Variants in CHCHD3 observed in about 807,000 individuals in gnomAD.
CHCHD3 encodes MICOS complex subunit MIC19.
In CHCHD3, 20 loss-of-function variants were observed where a neutral mutation model predicts 38.2. The ratio of observed to expected loss-of-function variants is 0.52; its 90% CI spans 0.37 to 0.76. The LOEUF (loss-of-function observed/expected upper bound fraction) is 0.76, where lower values mean the gene tolerates loss of function less well. CHCHD3 is among the 30% of genes least tolerant of loss of function. CHCHD3 has a pLI of 0.00. For synonymous variants in CHCHD3, 82 were observed against 100.0 expected (o/e 0.82, Z 1.07); for missense variants, 245 against 279.2 (o/e 0.88, Z 0.87).
At position 133,058,083 on chromosome 7, in the gene CHCHD3, A is replaced by G. The variant is rs529375892; in HGVS notation, c.169+12059T>C. Among the ~76,000 whole-genome samples the G allele has an allele frequency of 3.9e-5, 6 of 152,308 alleles. No individual in the cohort carries two copies. The South Asian group carries it at 1.0e-3, about 26-fold the overall frequency. On this transcript the variant is annotated intron_variant, in intron 2 of 7. Transcript: ENST00000262570. Reference sequence around the variant, plus strand: ...AAATTAAAGAAACATATTGTGCTCAATGAGTATCTTTGCTGTCCCACAAAA... The same window carrying G: ...AAATTAAAGAAACATATTGTGCTCAGTGAGTATCTTTGCTGTCCCACAAAA...
intron 4 of CHCHD3, among the ~76,000 whole-genome samples, chr7:132,934,124 C>G (rs2117260027): frequency 6.6e-6 from 1 of 152,322 alleles, no homozygotes; most frequent in South Asian, 2.1e-4. Context: ...AACCACTACT[C>G]AAACTTCTCA....
At chr7:133,036,386 C>A (rs1813674863) in intron 2 of CHCHD3, among the ~76,000 whole-genome samples, 1 of 152,006 alleles carries the variant, frequency 6.6e-6, no homozygotes, top group South Asian at 2.1e-4. Flanking sequence ...AAAATGTTCA[C>A]ATTTAAATTT....
intron 4 of CHCHD3, among the ~76,000 whole-genome samples, chr7:132,963,322 A>ATTTTTTTTTTTTTTTTTT (rs1005146883): frequency 1.1e-5 from 1 of 87,568 alleles, no homozygotes. Flanking sequence ...TAAAATTGTA[A>ATTTTTTTTTTTTTTTTTT]TTTTTTTTTT....
At chr7:132,860,676 G>A (rs1034406141) in intron 5 of CHCHD3, among the ~76,000 whole-genome samples, 3 of 152,070 alleles carry the variant, frequency 2.0e-5, no homozygotes, top group Non-Finnish European at 4.4e-5. Context: ...GCCCAGGCTG[G>A]TGGGCAGTGA....
Position 133,081,979 on chromosome 7 carries a change from C to A in CHCHD3, c.-42G>T. The A allele has an allele frequency of 6.7e-7, 1 of 1,497,954 alleles. No individual in the cohort carries two copies. Among genetic ancestry groups the A allele is most frequent in the Non-Finnish European group, 9.0e-7 (1 of 1,117,272 alleles). 92.8% of individuals were successfully genotyped at this position (1,497,954 alleles called of 1,614,324 possible). A position where few individuals can be genotyped will look rare whatever the true frequency, so the allele number is the denominator to read the frequency against. Reference sequence around the variant, plus strand: ...CCAGCGGAGACCTAGCGGGGAACCACGAGCACTTCGGGGCCCCCGCACCCA... The same window carrying A: ...CCAGCGGAGACCTAGCGGGGAACCAAGAGCACTTCGGGGCCCCCGCACCCA... On this transcript the variant is annotated 5_prime_UTR_variant, in exon 1 of 8. Coordinates refer to ENST00000262570, the MANE Select transcript of CHCHD3 (RefSeq NM_017812.4).
At chr7:132,999,069 C>A (rs796120766) in intron 3 of CHCHD3, among the ~76,000 whole-genome samples, 5 of 152,160 alleles carry the variant, frequency 3.3e-5, no homozygotes, top group African/African-American at 1.2e-4. Context: ...CGCAGTGCAC[C>A]ATGATCACCA....
At chr7:133,061,236 C>T (rs938664767) in intron 2 of CHCHD3, among the ~76,000 whole-genome samples, 6 of 151,860 alleles carry the variant, frequency 4.0e-5, no homozygotes, top group Admixed American at 3.9e-4. Flanking sequence ...GAGAATAGAC[C>T]GGGGAATGCA....
intron 4 of CHCHD3, among the ~76,000 whole-genome samples, chr7:132,928,499 C>T (rs538142294): frequency 6.6e-6 from 1 of 152,114 alleles, no homozygotes; most frequent in African/African-American, 2.4e-5. Context: ...GAGTTCAAGA[C>T]CAGCCTGGCC....
At chr7:133,037,644 C>G (rs1813716524) in intron 2 of CHCHD3, among the ~76,000 whole-genome samples, 2 of 152,120 alleles carry the variant, frequency 1.3e-5, no homozygotes, top group South Asian at 4.1e-4. Flanking sequence ...GAAACCACAC[C>G]TCTACTAAAA....
At chr7:132,945,857 A>G (rs1056496560) in intron 4 of CHCHD3, among the ~76,000 whole-genome samples, 5 of 151,942 alleles carry the variant, frequency 3.3e-5, no homozygotes, top group African/African-American at 1.2e-4. Context: ...AGATTGTTCA[A>G]TGCAATCTAC....
intron 6 of CHCHD3, among the ~76,000 whole-genome samples, chr7:132,809,905 TA>T (rs961358114): frequency 2.6e-5 from 4 of 152,168 alleles, no homozygotes; most frequent in Admixed American, 6.5e-5. Context: ...ATAGAGGCTT[TA>T]AAAAAAGTGC....
intron 4 of CHCHD3, among the ~76,000 whole-genome samples, chr7:132,961,730 T>G (rs1219002062): frequency 6.6e-6 from 1 of 152,224 alleles, no homozygotes; most frequent in Non-Finnish European, 1.5e-5. Context: ...TCCACAGAAC[T>G]TATTCATCTA....
In CHCHD3 at chr7:132,904,902, T is replaced by C. The variant is rs140796513; in HGVS notation, c.370-19157A>G. 6.5e-3 allele frequency among the ~76,000 whole-genome samples: 991 copies of C among 152,278 alleles called. 10 individuals carry two copies. Among genetic ancestry groups the C allele is most frequent in the African/African-American group, 0.022 (918 of 41,546 alleles). On this transcript the variant is annotated intron_variant, in intron 4 of 7. Coordinates refer to ENST00000262570, the MANE Select transcript of CHCHD3 (RefSeq NM_017812.4). ...GTGGCACATATACACCATGGAATACTATGCAGCCATAAGAAAGGACGAGTT... is the reference window on the plus strand; with the variant it reads ...GTGGCACATATACACCATGGAATACCATGCAGCCATAAGAAAGGACGAGTT...
intron 2 of CHCHD3, among the ~76,000 whole-genome samples, chr7:133,030,643 T>C (rs1046171285): frequency 2.0e-5 from 3 of 152,214 alleles, no homozygotes; most frequent in African/African-American, 7.2e-5. Context: ...ACACACATAC[T>C]CTCCTTTTAG....
At position 132,785,517 on chromosome 7, in the gene CHCHD3, T is replaced by A; in HGVS notation, c.*120A>T. 1 of 950,780 alleles carries A rather than the reference T, an allele frequency of 1.1e-6. No homozygotes were observed. The highest frequency in any genetic ancestry group is 1.6e-5 in the African/African-American group (1 of 60,826). The allele number at this position is 950,780 out of a possible 1,614,324, so 58.9% of individuals were successfully genotyped here. On this transcript the variant is annotated 3_prime_UTR_variant, in exon 8 of 8. Coordinates refer to ENST00000262570, the MANE Select transcript of CHCHD3 (RefSeq NM_017812.4). The stretch of plus-strand genomic sequence containing the variant: ...TTCTGCTGAATCCATTCTTGATGTC[T>A]CTCTTTAGTGGTCTTCTCATTAGTG...
At chr7:132,816,458 T>C (rs1807202103) in intron 6 of CHCHD3, among the ~76,000 whole-genome samples, 1 of 152,234 alleles carries the variant, frequency 6.6e-6, no homozygotes, top group African/African-American at 2.4e-5. Context: ...ATTGCCTTTA[T>C]GAGCATTTTA....
intron 4 of CHCHD3, among the ~76,000 whole-genome samples, chr7:132,950,651 T>G (rs1309426164): frequency 3.9e-5 from 6 of 152,182 alleles, no homozygotes. Flanking sequence ...TACATTAAAT[T>G]TGTTATTTTT....
intron 5 of CHCHD3, among the ~76,000 whole-genome samples, chr7:132,872,106 A>G (rs1808781247): frequency 6.6e-6 from 1 of 152,214 alleles, no homozygotes. Flanking sequence ...ATTGAGTGGT[A>G]CATGTACTGA....
chr7:133,032,699 G>A (rs1437076961), intron 2 of CHCHD3, among the ~76,000 whole-genome samples: 2 of 152,004 alleles, frequency 1.3e-5, no homozygotes, highest in Non-Finnish European at 1.5e-5. Flanking sequence ...ATCTTAAGTA[G>A]ACAATTCCTA....
Sources: allele counts gnomAD v4.1 joint callset (sites outside exome capture counted in the v4.1 genomes callset), GRCh38; gene constraint gnomAD v4.1.1; transcripts MANE v1.5; gene names NCBI Gene and HGNC (gene_info 2026-07-23, HGNC 2026-07-21).